The following KCNQ5 variants were observed in gnomAD, a reference collection of about 807,000 sequenced individuals.
KCNQ5 encodes the protein potassium voltage-gated channel subfamily Q member 5.
KCNQ5 carries 30 observed loss-of-function variants against 98.2 expected under a neutral mutation model. The observed-to-expected ratio is 0.31, with a 90% CI of 0.23 to 0.41. KCNQ5 has a LOEUF of 0.41. Among genes scored for constraint, KCNQ5 ranks in the 10% least tolerant of loss-of-function variants. The pLI is 1.00. For synonymous variants in KCNQ5, 458 were observed against 449.4 expected, an observed-to-expected ratio of 1.02 and a Z score of -0.24; for missense variants, 835 against 1,182.5, an observed-to-expected ratio of 0.71 and a Z score of 4.31.
intron 3 of KCNQ5, among the ~76,000 whole-genome samples, chr6:73,058,389 G>A: frequency 6.6e-6 from 1 of 152,048 alleles, no homozygotes; most frequent in Non-Finnish European, 1.5e-5. Flanking sequence ...CTCCAGCCTG[G>A]GCGACAGCGA....
intron 1 of KCNQ5, among the ~76,000 whole-genome samples, chr6:72,951,749 G>A (rs1582076825): frequency 6.6e-6 from 1 of 152,128 alleles, no homozygotes; most frequent in South Asian, 2.1e-4. Context: ...TCCTATAGAA[G>A]AGATACTTTC....
chr6:72,903,589 C>G (rs1441337296), intron 1 of KCNQ5, among the ~76,000 whole-genome samples: 1 of 152,124 alleles, frequency 6.6e-6, no homozygotes, highest in Admixed American at 6.5e-5. Context: ...ATTTTTGACC[C>G]AGTGGTCACT....
intron 2 of KCNQ5, among the ~76,000 whole-genome samples, chr6:73,035,582 A>T (rs1771377147): frequency 6.6e-6 from 1 of 152,208 alleles, no homozygotes; most frequent in Admixed American, 6.5e-5. Context: ...AACCATCCCT[A>T]ATTTAAATCA....
intron 10 of KCNQ5, among the ~76,000 whole-genome samples, chr6:73,144,553 T>A (rs1304979559): frequency 6.6e-6 from 1 of 152,236 alleles, no homozygotes; most frequent in Non-Finnish European, 1.5e-5. Flanking sequence ...CCCATAATTT[T>A]GTGTTTTGAT....
At chr6:72,819,139 A>T (rs935228875) in intron 1 of KCNQ5, among the ~76,000 whole-genome samples, 2 of 151,762 alleles carry the variant, frequency 1.3e-5, no homozygotes, top group South Asian at 4.1e-4. Context: ...ATTTTTATTT[A>T]TTTTAATTTT....
chr6:73,012,530 GTT>G (rs1554197694), intron 2 of KCNQ5, among the ~76,000 whole-genome samples: 4 of 152,064 alleles, frequency 2.6e-5, no homozygotes, highest in Non-Finnish European at 5.9e-5. Context: ...GAAGAAAAGA[GTT>G]AGGGAGATGG....
At chr6:72,718,725 A>G (rs1293012176) in intron 1 of KCNQ5, among the ~76,000 whole-genome samples, 1 of 152,018 alleles carries the variant, frequency 6.6e-6, no homozygotes, top group Non-Finnish European at 1.5e-5. Context: ...CTGGGATTAG[A>G]GGCGTGAGCC....
At chr6:72,676,921 T>C (rs935502551) in intron 1 of KCNQ5, among the ~76,000 whole-genome samples, 3 of 137,446 alleles carry the variant, frequency 2.2e-5, no homozygotes, top group Non-Finnish European at 4.6e-5. Flanking sequence ...TAGGTATAAT[T>C]GATATTTTTA....
chr6:72,683,219 G>C (rs542624234), intron 1 of KCNQ5, among the ~76,000 whole-genome samples: 5 of 152,246 alleles, frequency 3.3e-5, no homozygotes, highest in Admixed American at 6.5e-5. Flanking sequence ...AGCCTTTGCT[G>C]TCAGACTTTC....
chr6:72,814,747 G>C (rs1451290156), intron 1 of KCNQ5, among the ~76,000 whole-genome samples: 5 of 152,170 alleles, frequency 3.3e-5, no homozygotes, highest in African/African-American at 1.2e-4. Context: ...AATTGTCAAA[G>C]CTGATGAGGA....
At chr6:72,913,624 C>T (rs568869943) in intron 1 of KCNQ5, among the ~76,000 whole-genome samples, 1 of 152,296 alleles carries the variant, frequency 6.6e-6, no homozygotes, top group East Asian at 1.9e-4. Flanking sequence ...GTTTTCTTAA[C>T]CAACAGTTGT....
At chr6:72,717,993 T>C (rs1006714673) in intron 1 of KCNQ5, among the ~76,000 whole-genome samples, 7 of 152,104 alleles carry the variant, frequency 4.6e-5, no homozygotes, top group African/African-American at 1.7e-4. Context: ...CTCCCAAACA[T>C]CATATGCCAG....
At chr6:72,676,330 T>C (rs1304961153) in intron 1 of KCNQ5, among the ~76,000 whole-genome samples, 1 of 152,072 alleles carries the variant, frequency 6.6e-6, no homozygotes, top group Admixed American at 6.6e-5. Flanking sequence ...TTATTTAAAT[T>C]TTTTATGTCA....
chr6:73,187,438 C>T (rs575087794), intron 11 of KCNQ5, among the ~76,000 whole-genome samples: 91 of 75,966 alleles, frequency 1.2e-3, no homozygotes, highest in South Asian at 8.1e-3. Context: ...TGCACATACT[C>T]CTCTTTTCTA....
intron 1 of KCNQ5, among the ~76,000 whole-genome samples, chr6:72,742,097 T>C (rs868769173): frequency 6.6e-6 from 1 of 152,150 alleles, no homozygotes; most frequent in African/African-American, 2.4e-5. Flanking sequence ...GTTTATTCGC[T>C]TGGGGATGAA....
At chr6:73,064,350 G>T (rs905962305) in intron 3 of KCNQ5, among the ~76,000 whole-genome samples, 2 of 152,076 alleles carry the variant, frequency 1.3e-5, no homozygotes, top group Non-Finnish European at 2.9e-5. Flanking sequence ...TATAAATTAG[G>T]TATTGTAGTT....
intron 13 of KCNQ5, among the ~76,000 whole-genome samples, chr6:73,193,183 G>A (rs1399960112): frequency 1.3e-5 from 2 of 151,766 alleles, no homozygotes; most frequent in African/African-American, 4.8e-5. Flanking sequence ...ACCAAGACCG[G>A]CGAATTTTTG....
At chr6:73,117,578 T>C (rs1775558262) in intron 7 of KCNQ5, among the ~76,000 whole-genome samples, 1 of 152,236 alleles carries the variant, frequency 6.6e-6, no homozygotes, top group Non-Finnish European at 1.5e-5. Flanking sequence ...TCTTTTGTTG[T>C]TCTGTTGTTT....
At chr6:72,941,543 CTTT>C (rs1562082598) in intron 1 of KCNQ5, among the ~76,000 whole-genome samples, 39 of 137,298 alleles carry the variant, frequency 2.8e-4, no homozygotes, top group Admixed American at 1.0e-3. Context: ...TCCCTCCTTC[CTTT>C]CCTTCTTCCC....
Sources: allele counts gnomAD v4.1 joint callset (sites outside exome capture counted in the v4.1 genomes callset), GRCh38; gene constraint gnomAD v4.1.1; transcripts MANE v1.5; gene names NCBI Gene and HGNC (gene_info 2026-07-23, HGNC 2026-07-21).